The following CEP295 variants were observed in gnomAD, a reference collection of about 807,000 sequenced individuals.
The protein encoded by CEP295 is centrosomal protein of 295 kDa.
A neutral mutation model predicts 291.6 loss-of-function variants in CEP295; 190 were observed. The observed-to-expected ratio is 0.65, with a 90% CI of 0.58 to 0.73. The LOEUF (loss-of-function observed/expected upper bound fraction) is 0.73, where lower values mean the gene tolerates loss of function less well. Ranked by LOEUF, CEP295 falls within the 30% of genes least tolerant of loss-of-function variation. The pLI is 0.00. For synonymous variants in CEP295, 993 were observed against 1,038.8 expected (o/e 0.96, Z 0.85); for missense variants, 2,863 against 2,949.4 (o/e 0.97, Z 0.68).
chr11:93,678,687 G>C (rs1265807168), intron 6 of CEP295, among the ~76,000 whole-genome samples: 2 of 152,060 alleles, frequency 1.3e-5, no homozygotes, highest in Non-Finnish European at 2.9e-5. Context: ...CAGCGCTTTG[G>C]GAGGCCGAGA....
In CEP295 at chr11:93,697,434, C is replaced by G; in HGVS notation, c.2522C>G (p.Thr841Arg). ...CCTTTGCTGCCGTCAGAGAATATCACAGCCCAGCAAGGTAATATGAAGGCC... is the reference window on the plus strand; with the variant it reads ...CCTTTGCTGCCGTCAGAGAATATCAGAGCCCAGCAAGGTAATATGAAGGCC... The part of the protein sequence containing the change: ...DRPLLPSENI[T>R]AQQGNMKALQ... The change falls in exon 15 of 30, where the codon ACA (threonine) becomes AGA (arginine). Residue 841 changes from threonine (T) to arginine (R), a missense_variant. Around this residue, in one of 3 missense-constraint regions of CEP295, gnomAD observed 2,295 missense variants for 2,335.7 expected, o/e 0.98. Coordinates refer to ENST00000325212, the MANE Select transcript of CEP295 (RefSeq NM_033395.2). 6.4e-7 allele frequency: 1 copy of G among 1,552,208 alleles called. No homozygotes were observed. Among genetic ancestry groups the G allele is most frequent in the Non-Finnish European group, 8.7e-7 (1 of 1,147,104 alleles).
At chr11:93,730,192 A>G (rs747650097) in intron 29 of CEP295, 39 bp from the exon 30 acceptor site, 6 of 1,551,142 alleles carry the variant, frequency 3.9e-6, no homozygotes, top group Admixed American at 3.9e-5. Flanking sequence ...TCAAGCATGA[A>G]GTACACAACT....
chr11:93,698,542 G>A lies in CEP295; in HGVS notation c.3630G>A (p.Gln1210=). The A allele has an allele frequency of 1.3e-6, 2 of 1,552,098 alleles. No individual in the cohort carries two copies. Among genetic ancestry groups the A allele is most frequent in the Non-Finnish European group, 1.7e-6 (2 of 1,147,060 alleles). The stretch of plus-strand genomic sequence containing the variant: ...CTGGCACCTCCTCATCCCTTTCCCA[G>A]GTGGATGAATCTGAGAGATTCCAGG... ...EQTGTSSSLS[Q]VDESERFQEC... The change falls in exon 15 of 30, where the codon CAG becomes CAA. Residue 1210 remains glutamine, a synonymous_variant. Coordinates refer to ENST00000325212, the MANE Select transcript of CEP295 (RefSeq NM_033395.2).
chr11:93,729,294 G>C, intron 25 of CEP295, 140 bp from the exon 26 acceptor site: 1 of 641,750 alleles, frequency 1.6e-6, no homozygotes, highest in Non-Finnish European at 2.7e-6. Context: ...AATCAGGCAT[G>C]GTGGCGGGTC....
chr11:93,723,352 T>G, intron 21 of CEP295, 63 bp downstream of exon 21: 1 of 1,216,022 alleles, frequency 8.2e-7, no homozygotes, highest in Non-Finnish European at 1.1e-6. Context: ...CCTTTCATCA[T>G]TTTAAATTTT....
chr11:93,674,616 G>A (rs755949038), intron 5 of CEP295, among the ~76,000 whole-genome samples: 1 of 152,226 alleles, frequency 6.6e-6, no homozygotes, highest in Non-Finnish European at 1.5e-5. Flanking sequence ...ATATGGTATA[G>A]CGATAGCTAT....
At chr11:93,682,248 G>A (rs539411908) in intron 7 of CEP295, among the ~76,000 whole-genome samples, 115 of 152,052 alleles carry the variant, frequency 7.6e-4, no homozygotes, top group African/African-American at 2.7e-3. Flanking sequence ...TTTTGAGACA[G>A]TGTCTCACTC....
chr11:93,669,571 A>G, intron 4 of CEP295, 106 bp from the exon 5 acceptor site: 1 of 661,116 alleles, frequency 1.5e-6, no homozygotes, highest in Non-Finnish European at 2.6e-6. Flanking sequence ...AGCCTGTGGA[A>G]TCAGACTAGA....
intron 2 of CEP295, 68 bp from the exon 3 acceptor site, chr11:93,667,539 C>T: frequency 1.7e-6 from 2 of 1,162,926 alleles, no homozygotes; most frequent in East Asian, 2.6e-5. Flanking sequence ...TTCCTCTTTC[C>T]AAATAGCTTT....
chr11:93,702,730 G>A (rs1952249721), intron 16 of CEP295, 46 bp from the exon 17 acceptor site: 3 of 1,544,254 alleles, frequency 1.9e-6, no homozygotes, highest in Non-Finnish European at 2.6e-6. Flanking sequence ...TTAGAAGTAT[G>A]TTAATAGATT....
At chr11:93,701,307 G>C (rs1406469730) in intron 15 of CEP295, among the ~76,000 whole-genome samples, 2 of 152,146 alleles carry the variant, frequency 1.3e-5, no homozygotes, top group Non-Finnish European at 2.9e-5. Flanking sequence ...TGAGGCTGCA[G>C]TGAGCCATAT....
In CEP295 at chr11:93,698,431, A is replaced by G; in HGVS notation, c.3519A>G (p.Gln1173=). ...TACTCCAAGAACAGTCACAAATACA[A>G]AGGGTAATACTTGGTGCTAAAGAAG... ...LTILQEQSQI[Q]RVILGAKEGT... Residue 1173 remains glutamine, a synonymous_variant, in exon 15 of 30, where the codon CAA becomes CAG. Transcript: ENST00000325212. 6.4e-7 allele frequency: 1 copy of G among 1,552,086 alleles called. No homozygotes were observed. Among genetic ancestry groups the G allele is most frequent in the Non-Finnish European group, 8.7e-7 (1 of 1,147,066 alleles).
At chr11:93,666,607 C>A (rs1950217912) in intron 1 of CEP295, 75 bp from the exon 2 acceptor site, 1 of 629,034 alleles carries the variant, frequency 1.6e-6, no homozygotes, top group South Asian at 2.4e-5. Flanking sequence ...AAAAAACAAA[C>A]AAAATTATTC....
intron 15 of CEP295, among the ~76,000 whole-genome samples, chr11:93,700,581 A>G (rs1952094048): frequency 1.3e-5 from 2 of 151,184 alleles, no homozygotes; most frequent in Admixed American, 6.6e-5. Flanking sequence ...ATGTACCACC[A>G]TGCCTGGCTA....
Position 93,727,170 on chromosome 11 carries a change from A to G in CEP295, c.6694A>G (p.Ile2232Val), listed in dbSNP as rs771797830. 22 of 1,550,624 alleles carry G rather than the reference A, an allele frequency of 1.4e-5. No homozygotes were observed. The South Asian group carries it at 1.9e-4, about 13-fold the overall frequency. The stretch of plus-strand genomic sequence containing the variant: ...AAAAATTGTTCATTTCCAGCTTTCT[A>G]TAGGAAACTTAAGTTCAGTCTACAG... The part of the protein sequence containing the change: ...KKKIVHFQLS[I>V]GNLSSVYSSS... The change falls in exon 24 of 30, where the codon ATA becomes GTA. Residue 2232 changes from isoleucine (I) to valine (V), a missense_variant. This residue lies in a region of CEP295 where 2,295 missense variants were observed against 2,335.7 expected (regional missense o/e 0.98). Transcript: ENST00000325212.
At chr11:93,669,427 T>TC (rs1661781153) in intron 4 of CEP295, among the ~76,000 whole-genome samples, 2 of 151,546 alleles carry the variant, frequency 1.3e-5, no homozygotes, top group Admixed American at 1.3e-4. Context: ...TTTTTTTTTT[T>TC]CACTCTAAAG....
At position 93,699,905 on chromosome 11, in the gene CEP295, C is replaced by A. The variant is rs998174584; in HGVS notation, c.4993C>A (p.Pro1665Thr). ...FIPLPFAEAK[P>T]KSTCELYSSQ... Reference sequence around the variant, plus strand: ...TCCACTACCTTTTGCAGAAGCTAAACCTAAAAGCACTTGTGAATTGTATTC... The same window carrying A: ...TCCACTACCTTTTGCAGAAGCTAAAACTAAAAGCACTTGTGAATTGTATTC... The change falls in exon 15 of 30, where the codon CCT becomes ACT. Residue 1665 changes from proline to threonine, a missense_variant. Pro to Thr is a conservative substitution (Grantham distance 38). Coordinates refer to ENST00000325212, the MANE Select transcript of CEP295 (RefSeq NM_033395.2). 2.6e-6 allele frequency: 4 copies of A among 1,551,808 alleles called. No individual in the cohort carries two copies. Among genetic ancestry groups the A allele is most frequent in the Non-Finnish European group, 3.5e-6 (4 of 1,146,998 alleles).
intron 7 of CEP295, among the ~76,000 whole-genome samples, chr11:93,681,265 C>T (rs541672142): frequency 4.7e-5 from 7 of 149,390 alleles, no homozygotes; most frequent in Admixed American, 3.3e-4. Flanking sequence ...GAGACGGAGT[C>T]TCACTCTGTC....
chr11:93,723,077 A>G lies in CEP295; in HGVS notation c.5984A>G (p.Glu1995Gly). The G allele has an allele frequency of 6.4e-7, 1 of 1,551,208 alleles. No homozygotes were observed. The highest frequency in any genetic ancestry group is 8.7e-7 in the Non-Finnish European group (1 of 1,146,648). The change falls in exon 21 of 30, where the codon GAA (glutamate) becomes GGA (glycine). Residue 1995 changes from glutamate to glycine, a missense_variant. By Grantham distance (98) the Glu-to-Gly change is moderately conservative. Around this residue, in one of 3 missense-constraint regions of CEP295, gnomAD observed 2,295 missense variants for 2,335.7 expected, o/e 0.98. Coordinates refer to ENST00000325212, the MANE Select transcript of CEP295 (RefSeq NM_033395.2). The stretch of plus-strand genomic sequence containing the variant: ...GAGCACATGGATGATAGCAAGCAAG[A>G]ATCTACCACCAGTAAAGAAGAGGAA... The part of the protein sequence containing the change: ...FSEHMDDSKQ[E>G]STTSKEEETN...
Sources: gnomAD v4.1 joint callset for allele counts (sites outside exome capture counted in the v4.1 genomes callset) on GRCh38, gnomAD v4.1.1 for gene constraint, gnomAD v4.1.1 regional missense constraint, MANE v1.5 for transcripts, NCBI Gene and HGNC (gene_info 2026-07-23, HGNC 2026-07-21) for gene names.